Variants in DIAPH3 observed in about 807,000 individuals in gnomAD.
DIAPH3 encodes the protein protein diaphanous homolog 3.
A neutral mutation model predicts 144.3 loss-of-function variants in DIAPH3; 117 were observed. That is an observed-to-expected ratio of 0.81 (90% CI 0.70 to 0.95). The LOEUF is 0.95. Among genes scored for constraint, DIAPH3 ranks in the 40% least tolerant of loss-of-function variants. The pLI is 0.00. For missense variants in DIAPH3, 1,421 were observed against 1,412.7 expected, an observed-to-expected ratio of 1.01 and a Z score of -0.09; for synonymous variants, 519 against 488.9, an observed-to-expected ratio of 1.06 and a Z score of -0.81.
intron 5 of DIAPH3, among the ~76,000 whole-genome samples, chr13:60,042,489 C>A (rs1386725983): frequency 6.6e-6 from 1 of 150,546 alleles, no homozygotes; most frequent in African/African-American, 2.4e-5. Flanking sequence ...GGCTTTTTTA[C>A]AGTCCCTGAG....
chr13:60,131,454 A>C (rs981162434), intron 2 of DIAPH3, among the ~76,000 whole-genome samples: 14 of 151,002 alleles, frequency 9.3e-5, no homozygotes, highest in African/African-American at 1.7e-4. Context: ...AAAAAAAAAA[A>C]AAAAAACAAA....
At chr13:60,088,236 T>C (rs1594631657) in intron 4 of DIAPH3, among the ~76,000 whole-genome samples, 1 of 151,996 alleles carries the variant, frequency 6.6e-6, no homozygotes, top group Non-Finnish European at 1.5e-5. Flanking sequence ...CTACTAAGTA[T>C]TCTTGGAGAC....
chr13:59,970,953 C>T lies in DIAPH3; in HGVS notation c.1858G>A (p.Gly620Arg). 1 of 1,613,542 alleles carries T rather than the reference C, an allele frequency of 6.2e-7. No individual in the cohort carries two copies. ...GGTAGAGGAGGAGAATTTTGTCCTCCAAGGAATCCCAGGGGAGGTGGTGGA... is the reference window on the plus strand; with the variant it reads ...GGTAGAGGAGGAGAATTTTGTCCTCTAAGGAATCCCAGGGGAGGTGGTGGA... The part of the protein sequence containing the change: ...VPPPPPLGFL[G>R]GQNSPPLPIL... Residue 620 changes from glycine to arginine, a missense_variant, in exon 16 of 28, where the codon GGA becomes AGA. Physicochemically the swap from Gly to Arg is moderately radical, Grantham distance 125. Transcript: ENST00000400324.
Position 60,042,701 on chromosome 13 carries a change from G to C in DIAPH3, c.615C>G (p.Ser205Arg). ...CLESLRVSLT[S>R]NPVSWVESFG... is the part of the protein sequence containing the mutation. ...AATAGATGAATTACCTCACAGGATTGCTGGTCAAAGACACTCGGAGAGACT... is the reference window on the plus strand; with the variant it reads ...AATAGATGAATTACCTCACAGGATTCCTGGTCAAAGACACTCGGAGAGACT... The change falls in exon 5 of 28, where the codon AGC becomes AGG. Residue 205 changes from serine (S) to arginine (R), a missense_variant. Coordinates refer to ENST00000400324, the MANE Select transcript of DIAPH3 (RefSeq NM_001042517.2). 1 of 1,613,618 alleles carries C rather than the reference G, an allele frequency of 6.2e-7. No homozygotes were observed. The highest frequency in any genetic ancestry group is 8.5e-7 in the Non-Finnish European group (1 of 1,179,712).
rs372543176 is a variant in DIAPH3 at position 59,719,241 on chromosome 13, C to T, written c.3320-52395G>A. Among the ~76,000 whole-genome samples, 28 of 152,120 alleles carry T rather than the reference C, an allele frequency of 1.8e-4. No homozygotes were observed. In the East Asian group the frequency reaches 3.3e-3, roughly 18 times the overall value. ...CAATATATTAGTGAATGGAGACAAA[C>T]GTATTTGTGTGATTTGAGTTCAATT... On this transcript the variant is annotated intron_variant, in intron 27 of 27. Coordinates refer to ENST00000400324, the MANE Select transcript of DIAPH3 (RefSeq NM_001042517.2).
At chr13:59,802,766 C>G (rs1320371780) in intron 25 of DIAPH3, among the ~76,000 whole-genome samples, 1 of 136,490 alleles carries the variant, frequency 7.3e-6, no homozygotes, top group African/African-American at 2.7e-5. Flanking sequence ...ACTGCAAGCT[C>G]CGCTTCGCGG....
At chr13:60,057,305 A>C (rs886409304) in intron 4 of DIAPH3, among the ~76,000 whole-genome samples, 2 of 151,880 alleles carry the variant, frequency 1.3e-5, no homozygotes, top group Non-Finnish European at 2.9e-5. Context: ...TAAAACAGCT[A>C]CAAAAAAATA....
intron 27 of DIAPH3, among the ~76,000 whole-genome samples, chr13:59,680,989 G>A (rs552876002): frequency 2.0e-5 from 3 of 152,168 alleles, no homozygotes; most frequent in South Asian, 2.1e-4. Context: ...CAACTCTTAC[G>A]AACCTTCCGA....
At chr13:59,771,783 T>A (rs1280591826) in intron 27 of DIAPH3, among the ~76,000 whole-genome samples, 1 of 152,116 alleles carries the variant, frequency 6.6e-6, no homozygotes, top group African/African-American at 2.4e-5. Flanking sequence ...GAAATGGAGA[T>A]AAAAATATTG....
chr13:59,802,672 T>TTTTTTTA (rs1566331933), intron 25 of DIAPH3, among the ~76,000 whole-genome samples: 1 of 54,356 alleles, frequency 1.8e-5, no homozygotes, highest in African/African-American at 6.5e-5. Flanking sequence ...TTATTATTTT[T>TTTTTTTA]TTTTTTTTTT....
chr13:60,059,526 T>C (rs1254062768), intron 4 of DIAPH3, among the ~76,000 whole-genome samples: 2 of 152,086 alleles, frequency 1.3e-5, no homozygotes, highest in African/African-American at 2.4e-5. Context: ...ATTATCATTA[T>C]ATGCTTCCTT....
At chr13:59,937,615 A>G (rs1225217789) in intron 17 of DIAPH3, among the ~76,000 whole-genome samples, 2 of 152,242 alleles carry the variant, frequency 1.3e-5, no homozygotes, top group Admixed American at 1.3e-4. Context: ...CAAAACAGCC[A>G]GAGTGATTAT....
At chr13:59,793,185 G>A (rs1299062646) in intron 25 of DIAPH3, among the ~76,000 whole-genome samples, 1 of 152,044 alleles carries the variant, frequency 6.6e-6, no homozygotes, top group African/African-American at 2.4e-5. Flanking sequence ...TATCACAATG[G>A]CAGAGCATGT....
At chr13:60,040,226 C>CAA (rs5803983) in intron 5 of DIAPH3, among the ~76,000 whole-genome samples, 1,981 of 33,874 alleles carry the variant, frequency 0.058, 246 homozygotes, top group South Asian at 0.071. Flanking sequence ...GACTCCATCT[C>CAA]AAAAAAAAAA....
chr13:59,695,379 T>C (rs543308517), intron 27 of DIAPH3: 3 of 152,350 alleles, frequency 2.0e-5, no homozygotes, highest in African/African-American at 7.2e-5. Flanking sequence ...ACTAAATCTA[T>C]ATTCTCTCTC....
At chr13:60,063,610 T>C (rs774813050) in intron 4 of DIAPH3, among the ~76,000 whole-genome samples, 6 of 152,098 alleles carry the variant, frequency 3.9e-5, no homozygotes, top group Non-Finnish European at 7.4e-5. Context: ...GCAGAATGGA[T>C]GTTGTGTTCA....
At chr13:59,757,528 G>A (rs2037350024) in intron 27 of DIAPH3, among the ~76,000 whole-genome samples, 1 of 150,936 alleles carries the variant, frequency 6.6e-6, no homozygotes, top group Admixed American at 6.6e-5. Context: ...AGCCTCCCGA[G>A]TAGCTGGGAC....
At chr13:59,821,563 C>G (rs2139638999) in intron 24 of DIAPH3, among the ~76,000 whole-genome samples, 1 of 152,148 alleles carries the variant, frequency 6.6e-6, no homozygotes, top group South Asian at 2.1e-4. Context: ...TTTCAGTTTT[C>G]CATTAAAATT....
rs149114801 is a variant in DIAPH3 at position 59,684,248 on chromosome 13, C to A, written c.3320-17402G>T. On this transcript the variant is annotated intron_variant, in intron 27 of 27. Transcript: ENST00000400324. Reference sequence around the variant, plus strand: ...ACAGATTTGGAGCTTTCTGCCTGAGCTTTCTGCCACGGAGCAACCTTTATG... The same window carrying A: ...ACAGATTTGGAGCTTTCTGCCTGAGATTTCTGCCACGGAGCAACCTTTATG... Among the ~76,000 whole-genome samples the A allele has an allele frequency of 1.7e-3, 265 of 152,298 alleles. 2 individuals carry two copies. Among genetic ancestry groups the A allele is most frequent in the Non-Finnish European group, 3.1e-3 (214 of 68,018 alleles).
Sources: gnomAD v4.1 joint callset for allele counts (sites outside exome capture counted in the v4.1 genomes callset) on GRCh38, gnomAD v4.1.1 for gene constraint, MANE v1.5 for transcripts, NCBI Gene and HGNC (gene_info 2026-07-23, HGNC 2026-07-21) for gene names.